PGBD5: variants seen among roughly 807,000 people sequenced by gnomAD.
PGBD5 encodes the protein piggyBac transposable element-derived protein 5.
In PGBD5, 14 loss-of-function variants were observed where a neutral mutation model predicts 47.9. The observed-to-expected ratio is 0.29, with a 90% confidence interval of 0.19 to 0.46. PGBD5 has a LOEUF of 0.46. Ranked by LOEUF, PGBD5 falls within the 20% of genes least tolerant of loss-of-function variation. The pLI is 1.00. For missense variants in PGBD5, 635 were observed against 716.0 expected, an observed-to-expected ratio of 0.89 and a Z score of 1.29; for synonymous variants, 316 against 306.3, an observed-to-expected ratio of 1.03 and a Z score of -0.33.
intron 1 of PGBD5, among the ~76,000 whole-genome samples, chr1:230,410,003 G>C (rs957584679): frequency 6.6e-6 from 1 of 152,170 alleles, no homozygotes; most frequent in Non-Finnish European, 1.5e-5. Flanking sequence ...ATAAGGTTGT[G>C]TTAAAAATAT....
chr1:230,404,606 TG>T (rs1357165464), intron 1 of PGBD5, among the ~76,000 whole-genome samples: 1 of 98,520 alleles, frequency 1.0e-5, no homozygotes, highest in Non-Finnish European at 2.0e-5. Context: ...AGCAAAGTCT[TG>T]TCTCAAAAAA....
At chr1:230,404,087 C>G (rs571580022) in intron 1 of PGBD5, among the ~76,000 whole-genome samples, 1 of 152,206 alleles carries the variant, frequency 6.6e-6, no homozygotes, top group African/African-American at 2.4e-5. Context: ...CAGGAAAGAA[C>G]AGAGTGGAAG....
At chr1:230,331,864 A>G (rs1571824886) in intron 5 of PGBD5, among the ~76,000 whole-genome samples, 2 of 151,904 alleles carry the variant, frequency 1.3e-5, no homozygotes, top group East Asian at 3.9e-4. Context: ...CTACAACCAA[A>G]TCGAGTATTG....
intron 2 of PGBD5, among the ~76,000 whole-genome samples, chr1:230,351,901 T>C (rs895077914): frequency 6.6e-5 from 10 of 152,230 alleles, no homozygotes; most frequent in African/African-American, 2.2e-4. Flanking sequence ...ATAATAAAAA[T>C]AGGCTCCAAG....
intron 1 of PGBD5, among the ~76,000 whole-genome samples, chr1:230,359,610 C>T (rs185705314): frequency 6.6e-6 from 1 of 152,248 alleles, no homozygotes; most frequent in African/African-American, 2.4e-5. Flanking sequence ...CCTCCTAGCT[C>T]TAGTTTTCTT....
chr1:230,347,566 G>A (rs965170594), intron 3 of PGBD5, among the ~76,000 whole-genome samples: 11 of 138,310 alleles, frequency 8.0e-5, no homozygotes, highest in East Asian at 2.2e-4. Context: ...TGCAACCTCC[G>A]CCTCCCAGGT....
chr1:230,391,318 G>T (rs983632192), intron 1 of PGBD5, among the ~76,000 whole-genome samples: 1 of 152,156 alleles, frequency 6.6e-6, no homozygotes, highest in African/African-American at 2.4e-5. Flanking sequence ...CAGAAATTGC[G>T]CATGGGATTA....
intron 1 of PGBD5, among the ~76,000 whole-genome samples, chr1:230,373,104 C>G (rs192761749): frequency 3.9e-4 from 60 of 152,304 alleles, no homozygotes; most frequent in Non-Finnish European, 7.2e-4. Flanking sequence ...AGAGTGGCCG[C>G]TAGGTATGGA....
rs886211778 is a variant in PGBD5, at chr1:230,407,024, G to A, written c.331+18574C>T. Among the ~76,000 whole-genome samples, 10 of 152,228 alleles carry A rather than the reference G, an allele frequency of 6.6e-5. No homozygotes were observed. The East Asian group carries it at 1.2e-3, about 18-fold the overall frequency. On this transcript the variant is annotated intron_variant, in intron 1 of 6. Transcript: ENST00000391860. ...TAATTTTTGTATTTTTAGTAGAGAC[G>A]GGGTTTCGCCACGTTGGCCAGGCTG...
Position 230,316,326 on chromosome 1 carries a change from T to G in PGBD5, c.*7099A>C, listed in dbSNP as rs893740290. On this transcript the variant is annotated 3_prime_UTR_variant, in exon 7 of 7. Coordinates refer to ENST00000391860, the MANE Select transcript of PGBD5 (RefSeq NM_001258311.2). ...AGTCACACTATCCTATGGCCTTGTG[T>G]TTAGATGGAGCAAAGCAACTAAAAA... The G allele has an allele frequency of 1.3e-5, 2 of 152,604 alleles. No homozygotes were observed. The highest frequency in any genetic ancestry group is 2.9e-5 in the Non-Finnish European group (2 of 68,024). The allele number at this position is 152,604 out of a possible 1,614,324, so 9.5% of individuals were successfully genotyped here.
chr1:230,400,232 T>C (rs962920125), intron 1 of PGBD5, among the ~76,000 whole-genome samples: 1 of 152,174 alleles, frequency 6.6e-6, no homozygotes, highest in African/African-American at 2.4e-5. Context: ...TTGCCAGAAA[T>C]GCACTGGGCC....
chr1:230,411,096 G>C (rs1320687698), intron 1 of PGBD5, among the ~76,000 whole-genome samples: 1 of 151,980 alleles, frequency 6.6e-6, no homozygotes, highest in Non-Finnish European at 1.5e-5. Flanking sequence ...AGGCAACATA[G>C]CAAGACCCTG....
At chr1:230,373,417 T>C (rs1667958565) in intron 1 of PGBD5, among the ~76,000 whole-genome samples, 1 of 152,166 alleles carries the variant, frequency 6.6e-6, no homozygotes, top group Non-Finnish European at 1.5e-5. Context: ...GGCCTGTGAC[T>C]GCTGAGCGAT....
At chr1:230,393,361 C>T (rs182109712) in intron 1 of PGBD5, among the ~76,000 whole-genome samples, 16 of 151,682 alleles carry the variant, frequency 1.1e-4, no homozygotes, top group Non-Finnish European at 2.1e-4. Flanking sequence ...CAGGAGACCA[C>T]TGGCGGGGAT....
rs1033785624 is a variant in PGBD5 at position 230,317,801 on chromosome 1, A to T, written c.*5624T>A. 1 of 152,240 alleles carries T rather than the reference A, an allele frequency of 6.6e-6. No individual in the cohort carries two copies. Among genetic ancestry groups the T allele is most frequent in the Non-Finnish European group, 1.5e-5 (1 of 68,082 alleles). 9.4% of individuals were successfully genotyped at this position (152,240 alleles called of 1,614,324 possible). Reference sequence around the variant, plus strand: ...CCTTTCTGTTTTCATCTCCAAATACATGCACACAAGGTCAAGCTTCCAGGC... The same window carrying T: ...CCTTTCTGTTTTCATCTCCAAATACTTGCACACAAGGTCAAGCTTCCAGGC... On this transcript the variant is annotated 3_prime_UTR_variant, in exon 7 of 7. Transcript: ENST00000391860.
At position 230,351,115 on chromosome 1, in the gene PGBD5, G is replaced by A. The variant is rs1286594705; in HGVS notation, c.760-23C>T. ...CACCTGCCAGGAGGGAAAAAGCAGA[G>A]GCTCTCACGGAAGGCAGCATGAGCT... On this transcript the variant is annotated intron_variant, in intron 2 of 6. Transcript: ENST00000391860. 6.2e-6 allele frequency: 10 copies of A among 1,604,030 alleles called. No homozygotes were observed. The South Asian group carries it at 7.8e-5, about 13-fold the overall frequency.
chr1:230,374,158 C>T (rs1463810151), intron 1 of PGBD5, among the ~76,000 whole-genome samples: 3 of 152,182 alleles, frequency 2.0e-5, no homozygotes, highest in African/African-American at 4.8e-5. Flanking sequence ...GTGGCTCATG[C>T]CTGTAATCCC....
chr1:230,394,960 G>A (rs115796101), intron 1 of PGBD5, among the ~76,000 whole-genome samples: 1 of 117,124 alleles, frequency 8.5e-6, no homozygotes, highest in African/African-American at 3.4e-5. Context: ...TGATCCCCAA[G>A]CTCCTCTCGT....
intron 4 of PGBD5, among the ~76,000 whole-genome samples, chr1:230,336,868 C>T (rs1323040354): frequency 3.3e-5 from 5 of 152,150 alleles, no homozygotes; most frequent in Non-Finnish European, 5.9e-5. Flanking sequence ...CAGAGCTTTG[C>T]GCCGACATGT....
Sources: allele counts gnomAD v4.1 joint callset (sites outside exome capture counted in the v4.1 genomes callset), GRCh38; gene constraint gnomAD v4.1.1; transcripts MANE v1.5; gene names NCBI Gene and HGNC (gene_info 2026-07-23, HGNC 2026-07-21).